UNC13C: variants seen among roughly 807,000 people sequenced by gnomAD.
UNC13C encodes unc-13 homolog C, also known as protein unc-13 homolog C.
UNC13C carries 174 observed loss-of-function variants against 245.4 expected under a neutral mutation model. The observed-to-expected ratio is 0.71, with a 90% confidence interval of 0.63 to 0.80. UNC13C has a LOEUF of 0.80. Ranked by LOEUF, UNC13C falls within the 30% of genes least tolerant of loss-of-function variation. UNC13C has a pLI of 0.00. For missense variants in UNC13C, 2,829 were observed against 2,602.9 expected (o/e 1.09, Z -1.89); for synonymous variants, 992 against 895.1 (o/e 1.11, Z -1.93).
At chr15:54,461,604 A>C (rs997824572) in intron 19 of UNC13C, among the ~76,000 whole-genome samples, 3 of 152,200 alleles carry the variant, frequency 2.0e-5, no homozygotes, top group Non-Finnish European at 4.4e-5. Flanking sequence ...TTATGGGAAT[A>C]ATTTAGTAGA....
chr15:54,445,680 T>G (rs898114312), intron 19 of UNC13C, among the ~76,000 whole-genome samples: 8 of 152,220 alleles, frequency 5.3e-5, no homozygotes, highest in Admixed American at 2.6e-4. Flanking sequence ...TCTTTGTAGA[T>G]TCTGGATATT....
At chr15:53,842,097 A>G in the UNC13C span, among the ~76,000 whole-genome samples, 3 of 152,190 alleles carry the variant, frequency 2.0e-5, no homozygotes, top group African/African-American at 7.2e-5. Context: ...CTTTCAGTAA[A>G]GTGCTTTTCT....
At chr15:54,289,134 T>C (rs1200752585) in intron 10 of UNC13C, among the ~76,000 whole-genome samples, 1 of 152,092 alleles carries the variant, frequency 6.6e-6, no homozygotes, top group Non-Finnish European at 1.5e-5. Flanking sequence ...TTCCAAATTA[T>C]GATATTCTCA....
the UNC13C span, among the ~76,000 whole-genome samples, chr15:53,863,879 C>T: frequency 9.2e-5 from 14 of 152,258 alleles, no homozygotes; most frequent in South Asian, 2.9e-3. Context: ...AGTGATGCCC[C>T]TTGATGAACA....
intron 2 of UNC13C, among the ~76,000 whole-genome samples, chr15:54,056,200 TA>T (rs1446620221): frequency 3.3e-5 from 5 of 152,016 alleles, no homozygotes; most frequent in Non-Finnish European, 5.9e-5. Context: ...GCAAAGAAGT[TA>T]AAAACTTTGA....
intron 4 of UNC13C, among the ~76,000 whole-genome samples, chr15:54,231,851 GTTTC>G (rs1218520453): frequency 6.6e-6 from 1 of 152,046 alleles, no homozygotes; most frequent in Non-Finnish European, 1.5e-5. Context: ...AGTCTAGACA[GTTTC>G]TTCTGGATTT....
At chr15:54,031,250 C>A (rs1404481549) in intron 2 of UNC13C, among the ~76,000 whole-genome samples, 2 of 152,124 alleles carry the variant, frequency 1.3e-5, no homozygotes, top group African/African-American at 2.4e-5. Flanking sequence ...CAGAAGGGTG[C>A]CGTTTTTGGA....
At chr15:53,976,476 TC>T (rs58720259), upstream of UNC13C, among the ~76,000 whole-genome samples, 4,580 of 47,118 alleles carry the variant, frequency 0.097, 372 homozygotes, top group East Asian at 0.29. Flanking sequence ...TCTCTCTCTC[TC>T]TTTTTTTTTT....
chr15:54,413,543 G>T (rs1046088773), intron 18 of UNC13C, among the ~76,000 whole-genome samples: 1 of 152,062 alleles, frequency 6.6e-6, no homozygotes, highest in Non-Finnish European at 1.5e-5. Flanking sequence ...TAATTTATAT[G>T]TATTCAGATT....
chr15:53,942,991 T>C, the UNC13C span, among the ~76,000 whole-genome samples: 7 of 152,200 alleles, frequency 4.6e-5, no homozygotes, highest in Non-Finnish European at 8.8e-5. Context: ...TGATATCTTA[T>C]TTATGAAATC....
intron 25 of UNC13C, among the ~76,000 whole-genome samples, chr15:54,531,700 T>C (rs529312351): frequency 6.6e-6 from 1 of 151,900 alleles, no homozygotes; most frequent in Non-Finnish European, 1.5e-5. Context: ...CATAAAATTC[T>C]CCCATTTCAA....
the UNC13C span, among the ~76,000 whole-genome samples, chr15:53,916,430 C>G: frequency 1.3e-5 from 2 of 152,080 alleles, no homozygotes; most frequent in Non-Finnish European, 2.9e-5. Flanking sequence ...GCATTTGAAT[C>G]AATAGAGAAG....
At chr15:54,164,251 T>G (rs1457239405) in intron 4 of UNC13C, among the ~76,000 whole-genome samples, 1 of 152,214 alleles carries the variant, frequency 6.6e-6, no homozygotes, top group African/African-American at 2.4e-5. Context: ...TATACACATG[T>G]AATTTAAATA....
intron 24 of UNC13C, 54 bp from the exon 25 acceptor site, chr15:54,525,495 A>C: frequency 7.3e-7 from 1 of 1,362,378 alleles, no homozygotes; most frequent in Non-Finnish European, 1.0e-6. Context: ...TAAGCAAAAC[A>C]GAGGCATGCT....
At chr15:53,947,187 G>A in the UNC13C span, among the ~76,000 whole-genome samples, 1 of 152,102 alleles carries the variant, frequency 6.6e-6, no homozygotes, top group East Asian at 1.9e-4. Context: ...GTTCTGATGA[G>A]TTCCAAAATT....
intron 29 of UNC13C, among the ~76,000 whole-genome samples, chr15:54,567,310 A>G (rs1897558411): frequency 1.3e-5 from 2 of 152,152 alleles, no homozygotes; most frequent in African/African-American, 4.8e-5. Context: ...CTATATCTGC[A>G]CCACTGTGTG....
At chr15:54,028,272 A>T (rs541187460) in intron 2 of UNC13C, among the ~76,000 whole-genome samples, 7 of 152,232 alleles carry the variant, frequency 4.6e-5, no homozygotes, top group South Asian at 2.1e-4. Flanking sequence ...TACATTCATC[A>T]CCTCAAACTC....
intron 24 of UNC13C, among the ~76,000 whole-genome samples, chr15:54,512,196 A>T (rs1009226510): frequency 5.9e-5 from 9 of 152,080 alleles, no homozygotes; most frequent in African/African-American, 2.2e-4. Flanking sequence ...ATCAATGTTT[A>T]TTCTGCAATA....
chr15:53,873,893 C>CTATT, the UNC13C span, among the ~76,000 whole-genome samples: 24 of 145,432 alleles, frequency 1.7e-4, no homozygotes, highest in African/African-American at 6.0e-4. Context: ...TCTCTTCCTT[C>CTATT]TCTTTCCTTC....
Sources: allele counts gnomAD v4.1 joint callset (sites outside exome capture counted in the v4.1 genomes callset), GRCh38; gene constraint gnomAD v4.1.1; transcripts MANE v1.5; gene names NCBI Gene and HGNC (gene_info 2026-07-23, HGNC 2026-07-21).